Variants in DCC observed in about 807,000 individuals in gnomAD.
The protein encoded by DCC is netrin receptor DCC.
Under a neutral mutation model 172.5 loss-of-function variants are expected in DCC, and 58 were observed. That is an observed-to-expected ratio of 0.34 (90% confidence interval 0.27 to 0.42). The LOEUF (loss-of-function observed/expected upper bound fraction) is 0.42. Among genes scored for constraint, DCC ranks in the 10% least tolerant of loss-of-function variants. DCC has a pLI of 1.00. For synonymous variants in DCC, 709 were observed against 644.5 expected (o/e 1.10, Z -1.52); for missense variants, 1,740 against 1,791.0 (o/e 0.97, Z 0.51).
At chr18:53,422,140 C>G (rs867320581) in intron 21 of DCC, among the ~76,000 whole-genome samples, 1 of 152,162 alleles carries the variant, frequency 6.6e-6, no homozygotes, top group African/African-American at 2.4e-5. Flanking sequence ...CCCAAAACTT[C>G]AAGGACCTGG....
chr18:53,461,519 C>A (rs2045559442), intron 24 of DCC, among the ~76,000 whole-genome samples: 1 of 152,148 alleles, frequency 6.6e-6, no homozygotes, highest in South Asian at 2.1e-4. Flanking sequence ...GTTTTCCCAG[C>A]ACCATTTATT....
intron 8 of DCC, among the ~76,000 whole-genome samples, chr18:53,161,700 T>C (rs1221883626): frequency 6.6e-6 from 1 of 152,072 alleles, no homozygotes; most frequent in Non-Finnish European, 1.5e-5. Context: ...CATTCCAGAG[T>C]TCCCCCCACT....
chr18:53,419,749 T>C (rs1309575279), intron 21 of DCC, among the ~76,000 whole-genome samples: 4 of 152,106 alleles, frequency 2.6e-5, no homozygotes, highest in Non-Finnish European at 5.9e-5. Flanking sequence ...CTCAGAGAGA[T>C]GTTATTTGTC....
At chr18:52,357,578 T>C (rs2144260670) in intron 1 of DCC, among the ~76,000 whole-genome samples, 1 of 152,300 alleles carries the variant, frequency 6.6e-6, no homozygotes, top group South Asian at 2.1e-4. Context: ...ATATTATATA[T>C]ACTCTACTCT....
intron 7 of DCC, among the ~76,000 whole-genome samples, chr18:53,102,492 C>T (rs1482790764): frequency 1.3e-5 from 2 of 151,998 alleles, no homozygotes; most frequent in Non-Finnish European, 2.9e-5. Context: ...TATAAAAGCC[C>T]TCTGCCTAAT....
intron 7 of DCC, among the ~76,000 whole-genome samples, chr18:53,076,853 T>C (rs1022135529): frequency 6.6e-6 from 1 of 152,164 alleles, no homozygotes; most frequent in Non-Finnish European, 1.5e-5. Flanking sequence ...AGATTGGGCA[T>C]ACAGCAGTGG....
At chr18:52,584,279 CAG>C (rs1264354799) in intron 1 of DCC, among the ~76,000 whole-genome samples, 3 of 152,172 alleles carry the variant, frequency 2.0e-5, no homozygotes, top group South Asian at 4.1e-4. Context: ...TTTATGAGGA[CAG>C]AGATTTGTCA....
intron 3 of DCC, among the ~76,000 whole-genome samples, chr18:52,908,125 T>C (rs12373390): frequency 0.26 from 40,051 of 152,098 alleles, 5,481 homozygotes; most frequent in Admixed American, 0.33. Context: ...CTTCGGTCTC[T>C]GCGCTCTTAA....
chr18:52,460,203 C>G (rs1473678938), intron 1 of DCC, among the ~76,000 whole-genome samples: 2 of 152,068 alleles, frequency 1.3e-5, no homozygotes, highest in African/African-American at 2.4e-5. Flanking sequence ...CATACTGTTT[C>G]TAACTCATTT....
intron 19 of DCC, among the ~76,000 whole-genome samples, chr18:53,409,867 C>G (rs1422779422): frequency 6.6e-6 from 1 of 152,128 alleles, no homozygotes; most frequent in African/African-American, 2.4e-5. Flanking sequence ...CATACATAGT[C>G]TGGTGGTAAA....
intron 1 of DCC, among the ~76,000 whole-genome samples, chr18:52,609,679 T>C (rs1196439748): frequency 6.6e-6 from 1 of 151,960 alleles, no homozygotes; most frequent in African/African-American, 2.4e-5. Flanking sequence ...CAATCTATTA[T>C]ATGCTGTGGA....
At chr18:53,478,945 G>GGT (rs1423000918) in intron 25 of DCC, among the ~76,000 whole-genome samples, 6 of 152,190 alleles carry the variant, frequency 3.9e-5, no homozygotes, top group Non-Finnish European at 8.8e-5. Flanking sequence ...ATGCATATAA[G>GGT]GTGCGAGAAA....
intron 7 of DCC, among the ~76,000 whole-genome samples, chr18:53,118,286 A>G (rs1485203678): frequency 1.1e-4 from 17 of 151,936 alleles, no homozygotes; most frequent in African/African-American, 4.1e-4. Flanking sequence ...GATTATCTGC[A>G]CTGCAATTGT....
intron 8 of DCC, among the ~76,000 whole-genome samples, chr18:53,177,295 C>G (rs1377973788): frequency 6.6e-6 from 1 of 151,664 alleles, no homozygotes; most frequent in Non-Finnish European, 1.5e-5. Flanking sequence ...CTAACCTGCA[C>G]AATGTGCACA....
At position 52,868,051 on chromosome 18, in the gene DCC, A is replaced by ATGTG. The variant is rs1477971417; in HGVS notation, c.413-37992_413-37991insGTGT. Among the ~76,000 whole-genome samples, 950 of 98,820 alleles carry ATGTG rather than the reference A, an allele frequency of 9.6e-3. 12 individuals are homozygous for ATGTG. Among genetic ancestry groups the ATGTG allele is most frequent in the South Asian group, 0.026 (86 of 3,280 alleles). The allele number at this position is 98,820 out of a possible 152,430, so 64.8% of individuals were successfully genotyped here. A position where few individuals can be genotyped will look rare whatever the true frequency, so the allele number is the denominator to read the frequency against. On this transcript the variant is annotated intron_variant, in intron 2 of 28. Coordinates refer to ENST00000442544, the MANE Select transcript of DCC (RefSeq NM_005215.4). ...TATGTGTGTATATATATATATATAT[A>ATGTG]TATGTGTGTGTGTGTGTGTGTGTGT...
chr18:52,554,532 A>G (rs949786909), intron 1 of DCC, among the ~76,000 whole-genome samples: 1 of 152,152 alleles, frequency 6.6e-6, no homozygotes, highest in Non-Finnish European at 1.5e-5. Context: ...CAGATCAGAA[A>G]AAGGCCTGTA....
chr18:52,391,902 G>A (rs1162819534), intron 1 of DCC, among the ~76,000 whole-genome samples: 1 of 152,162 alleles, frequency 6.6e-6, no homozygotes, highest in African/African-American at 2.4e-5. Flanking sequence ...GCTGGGAGAA[G>A]TGTCACAGAC....
chr18:52,812,851 A>G (rs755072315), intron 2 of DCC, among the ~76,000 whole-genome samples: 4 of 151,742 alleles, frequency 2.6e-5, no homozygotes, highest in African/African-American at 4.8e-5. Context: ...TGAGAATTTG[A>G]TAGTGTATCA....
intron 1 of DCC, among the ~76,000 whole-genome samples, chr18:52,712,029 T>A (rs934629467): frequency 2.6e-5 from 4 of 152,088 alleles, no homozygotes; most frequent in Admixed American, 2.6e-4. Context: ...TGGTGTGACC[T>A]TGGCTCGCTG....
Sources: gnomAD v4.1 joint callset for allele counts (sites outside exome capture counted in the v4.1 genomes callset) on GRCh38, gnomAD v4.1.1 for gene constraint, MANE v1.5 for transcripts, NCBI Gene and HGNC (gene_info 2026-07-23, HGNC 2026-07-21) for gene names.